The following PTPRK variants were observed in gnomAD, a reference collection of about 807,000 sequenced individuals.
PTPRK encodes the protein protein tyrosine phosphatase receptor type K, also known as receptor-type tyrosine-protein phosphatase kappa.
A neutral mutation model predicts 178.0 loss-of-function variants in PTPRK; 75 were observed. The ratio of observed to expected loss-of-function variants is 0.42; its 90% CI spans 0.35 to 0.51. PTPRK has a LOEUF of 0.51. Ranked by LOEUF, PTPRK falls within the 20% of genes least tolerant of loss-of-function variation. The pLI, the probability that PTPRK is intolerant of heterozygous loss-of-function variation, is 0.02. For synonymous variants in PTPRK, 637 were observed against 620.6 expected (o/e 1.03, Z -0.39); for missense variants, 1,441 against 1,797.8 (o/e 0.80, Z 3.59).
chr6:128,062,109 C>A lies in PTPRK; in HGVS notation c.2194+2649G>T, dbSNP rs565814613. On this transcript the variant is annotated intron_variant, in intron 13 of 29. Transcript: ENST00000368226. ...TATTTTCATATTGAAAAATTTCACA[C>A]CAAAGCTGACCATACTTGCATGTTA... 4 of 152,654 alleles carry A rather than the reference C, an allele frequency of 2.6e-5. No individual in the cohort carries two copies. The East Asian group carries it at 7.7e-4, about 29-fold the overall frequency. 9.5% of individuals were successfully genotyped at this position (152,654 alleles called of 1,614,324 possible).
At position 128,310,665 on chromosome 6, in the gene PTPRK, A is replaced by G. The variant is rs532004183; in HGVS notation, c.495+11374T>C. On this transcript the variant is annotated intron_variant, in intron 3 of 29. Coordinates refer to ENST00000368226, the MANE Select transcript of PTPRK (RefSeq NM_002844.4). Reference sequence around the variant, plus strand: ...GGCACCGCAAAAAGGAACTCTCAACATGAACAAGGAGCTTCCTGCTGCCAA... The same window carrying G: ...GGCACCGCAAAAAGGAACTCTCAACGTGAACAAGGAGCTTCCTGCTGCCAA... Among the ~76,000 whole-genome samples the G allele has an allele frequency of 1.2e-3, 187 of 152,310 alleles. 1 individual carries two copies. The highest frequency in any genetic ancestry group is 4.1e-3 in the African/African-American group (172 of 41,574).
At position 127,976,459 on chromosome 6, in the gene PTPRK, C is replaced by A. The variant is rs3901020; in HGVS notation, c.3969+198G>T. On this transcript the variant is annotated intron_variant, in intron 27 of 29. Transcript: ENST00000368226. ...AGAATATGCTAGTCTAGTGACTGAC[C>A]GAAAAACCTAGCTTCCAGCATTTCT... Among the ~76,000 whole-genome samples, 104 of 152,040 alleles carry A rather than the reference C, an allele frequency of 6.8e-4. 1 individual carries two copies. The highest frequency in any genetic ancestry group is 1.2e-3 in the Non-Finnish European group (83 of 67,970).
At chr6:128,353,586 C>G (rs1254235364) in intron 2 of PTPRK, among the ~76,000 whole-genome samples, 1 of 152,134 alleles carries the variant, frequency 6.6e-6, no homozygotes, top group Non-Finnish European at 1.5e-5. Context: ...ATTGAAAAAA[C>G]TGAACCCAAA....
At chr6:128,211,272 G>A (rs1174509640) in intron 6 of PTPRK, among the ~76,000 whole-genome samples, 1 of 152,064 alleles carries the variant, frequency 6.6e-6, no homozygotes, top group African/African-American at 2.4e-5. Flanking sequence ...TTTTAATACT[G>A]AAATGTTACA....
At chr6:128,446,572 A>C (rs1847061701) in intron 1 of PTPRK, among the ~76,000 whole-genome samples, 1 of 152,250 alleles carries the variant, frequency 6.6e-6, no homozygotes, top group Non-Finnish European at 1.5e-5. Flanking sequence ...ATTATGTGTA[A>C]ACGAGCAGAT....
At position 128,519,620 on chromosome 6, in the gene PTPRK, G is replaced by A. The variant is rs572833488; in HGVS notation, c.100+639C>T. ...ACGCTCAGAGTGGGTCCTTAGAACCGCATTTCAACACATCTTACAGGGCTC... is the reference window on the plus strand; with the variant it reads ...ACGCTCAGAGTGGGTCCTTAGAACCACATTTCAACACATCTTACAGGGCTC... On this transcript the variant is annotated intron_variant, in intron 1 of 29. Coordinates refer to ENST00000368226, the MANE Select transcript of PTPRK (RefSeq NM_002844.4). The surrounding 1 kb of genome is among the most constrained non-coding windows in gnomAD (Gnocchi z 4.3). Among the ~76,000 whole-genome samples the A allele has an allele frequency of 1.3e-5, 2 of 152,178 alleles. No homozygotes were observed. The highest frequency in any genetic ancestry group is 6.5e-5 in the Admixed American group (1 of 15,282).
intron 2 of PTPRK, among the ~76,000 whole-genome samples, chr6:128,331,481 G>GA (rs923909284): frequency 1.2e-4 from 18 of 148,316 alleles, no homozygotes; most frequent in East Asian, 9.8e-4. Context: ...TAGTCAAAGA[G>GA]AAAAAAAAAG....
At chr6:128,087,986 G>A (rs1429173260) in intron 8 of PTPRK, among the ~76,000 whole-genome samples, 1 of 152,106 alleles carries the variant, frequency 6.6e-6, no homozygotes, top group Non-Finnish European at 1.5e-5. Context: ...CTAATAGAAG[G>A]TAGGCACCAA....
intron 2 of PTPRK, among the ~76,000 whole-genome samples, chr6:128,368,597 T>C (rs1236947181): frequency 6.6e-6 from 1 of 152,236 alleles, no homozygotes; most frequent in East Asian, 1.9e-4. Flanking sequence ...TGCTACTAAC[T>C]GGAATGAGGA....
At chr6:128,197,999 G>A (rs1016765103) in intron 6 of PTPRK, among the ~76,000 whole-genome samples, 1 of 152,042 alleles carries the variant, frequency 6.6e-6, no homozygotes, top group Non-Finnish European at 1.5e-5. Flanking sequence ...CAATTCAAGT[G>A]CCAGACTTGT....
At position 128,240,929 on chromosome 6, in the gene PTPRK, G is replaced by A. The variant is rs1459868359; in HGVS notation, c.578-779C>T. On this transcript the variant is annotated intron_variant, in intron 4 of 29. Transcript: ENST00000368226. ...ATAAACAGCAAAAGCTAAGGCTCATGAGTAAAAAGAAAAGTTCATGGAGGG... is the reference window on the plus strand; with the variant it reads ...ATAAACAGCAAAAGCTAAGGCTCATAAGTAAAAAGAAAAGTTCATGGAGGG... 2.0e-5 allele frequency among the ~76,000 whole-genome samples: 3 copies of A among 152,204 alleles called. No individual in the cohort carries two copies. The East Asian group carries it at 5.8e-4, about 29-fold the overall frequency.
At chr6:128,334,171 T>A (rs1830619536) in intron 2 of PTPRK, among the ~76,000 whole-genome samples, 2 of 152,136 alleles carry the variant, frequency 1.3e-5, no homozygotes, top group Admixed American at 6.5e-5. Flanking sequence ...ATAACAGATA[T>A]AATTAACAAT....
At chr6:128,511,513 A>C (rs1857184724) in intron 1 of PTPRK, among the ~76,000 whole-genome samples, 1 of 152,012 alleles carries the variant, frequency 6.6e-6, no homozygotes, top group Non-Finnish European at 1.5e-5. Flanking sequence ...GTTCGGTGGG[A>C]GCTGCCACAG....
At chr6:128,018,260 A>G (rs1402085139) in intron 13 of PTPRK, among the ~76,000 whole-genome samples, 3 of 152,130 alleles carry the variant, frequency 2.0e-5, no homozygotes, top group Non-Finnish European at 2.9e-5. Context: ...AAAAATGCTC[A>G]TAATTTGTCA....
chr6:128,400,627 G>A (rs1032216094), intron 1 of PTPRK, among the ~76,000 whole-genome samples: 33 of 152,244 alleles, frequency 2.2e-4, no homozygotes, highest in African/African-American at 7.7e-4. Context: ...TTTCAACCTT[G>A]TAACAGAGAG....
intron 2 of PTPRK, among the ~76,000 whole-genome samples, chr6:128,383,746 A>G (rs1243613483): frequency 1.3e-5 from 2 of 152,192 alleles, no homozygotes; most frequent in African/African-American, 4.8e-5. Flanking sequence ...TTAAGTATCA[A>G]TTTCTTAATT....
chr6:128,282,944 T>C (rs1361027485), intron 3 of PTPRK, among the ~76,000 whole-genome samples: 1 of 152,078 alleles, frequency 6.6e-6, no homozygotes, highest in Non-Finnish European at 1.5e-5. Context: ...AGAAAGAGAT[T>C]AGAGGGCAGA....
intron 7 of PTPRK, among the ~76,000 whole-genome samples, chr6:128,158,981 A>C (rs923481292): frequency 6.6e-6 from 1 of 151,906 alleles, no homozygotes; most frequent in Non-Finnish European, 1.5e-5. Flanking sequence ...TACAGATCAA[A>C]ATCATTGTAG....
At chr6:128,187,325 T>C (rs1055800914) in intron 6 of PTPRK, among the ~76,000 whole-genome samples, 7 of 152,152 alleles carry the variant, frequency 4.6e-5, no homozygotes, top group Admixed American at 6.6e-5. Flanking sequence ...CCAACATTTC[T>C]ATCTTTAAGG....
Sources: gnomAD v4.1 joint callset for allele counts (sites outside exome capture counted in the v4.1 genomes callset) on GRCh38, gnomAD v4.1.1 for gene constraint, Gnocchi (gnomAD v3.1) non-coding constraint, MANE v1.5 for transcripts, NCBI Gene and HGNC (gene_info 2026-07-23, HGNC 2026-07-21) for gene names.